VAV3: variants seen among roughly 807,000 people sequenced by gnomAD.
The protein encoded by VAV3 is guanine nucleotide exchange factor VAV3.
Under a neutral mutation model 131.2 loss-of-function variants are expected in VAV3, and 94 were observed. That is an observed-to-expected ratio of 0.72 (90% confidence interval 0.61 to 0.85). The LOEUF (loss-of-function observed/expected upper bound fraction) is 0.85. Among genes scored for constraint, VAV3 ranks in the 40% least tolerant of loss-of-function variants. VAV3 has a pLI of 0.00. For synonymous variants in VAV3, 349 were observed against 342.0 expected, an observed-to-expected ratio of 1.02 and a Z score of -0.22; for missense variants, 939 against 1,002.7, an observed-to-expected ratio of 0.94 and a Z score of 0.86.
Position 107,636,806 on chromosome 1 carries a change from A to G in VAV3, c.1914+5813T>C, listed in dbSNP as rs367596119. On this transcript the variant is annotated intron_variant, in intron 20 of 26. Coordinates refer to ENST00000370056, the MANE Select transcript of VAV3 (RefSeq NM_006113.5). Reference sequence around the variant, plus strand: ...TTGAACTGACTGAAAATGAAAATAAACAGCTTTGCAAAATTTTGGGAAGGC... The same window carrying G: ...TTGAACTGACTGAAAATGAAAATAAGCAGCTTTGCAAAATTTTGGGAAGGC... 9.4e-4 allele frequency among the ~76,000 whole-genome samples: 143 copies of G among 152,324 alleles called. 4 individuals are homozygous for G. The South Asian group carries it at 0.028, about 30-fold the overall frequency.
At chr1:107,704,767 A>G in intron 16 of VAV3, 117 bp from the exon 17 acceptor site, 3 of 996,292 alleles carry the variant, frequency 3.0e-6, no homozygotes, top group Non-Finnish European at 4.5e-6. Context: ...CCCCCTTGGT[A>G]GAGGGAGACG....
At chr1:107,685,788 ATTTCATTTGTCATTC>A (rs1658972790) in intron 18 of VAV3, 1 of 151,958 alleles carries the variant, frequency 6.6e-6, no homozygotes. Flanking sequence ...TAAAGTGCAA[ATTTCATTTGTCATTC>A]TGTCATCTCT....
At chr1:107,604,460 T>TC (rs1019208786) in intron 22 of VAV3, among the ~76,000 whole-genome samples, 7 of 152,194 alleles carry the variant, frequency 4.6e-5, no homozygotes, top group Non-Finnish European at 1.0e-4. Flanking sequence ...TGCCTACCTC[T>TC]CTTCAACCTT....
intron 20 of VAV3, among the ~76,000 whole-genome samples, chr1:107,619,508 C>T (rs1056149282): frequency 6.6e-6 from 1 of 152,072 alleles, no homozygotes; most frequent in African/African-American, 2.4e-5. Context: ...TATAAACACA[C>T]TACAATGCTA....
intron 1 of VAV3, among the ~76,000 whole-genome samples, chr1:107,929,307 A>AAAAAT (rs748783143): frequency 1.4e-5 from 2 of 144,328 alleles, no homozygotes; most frequent in Non-Finnish European, 3.0e-5. Flanking sequence ...AAAAAAAAAA[A>AAAAAT]TTATGCCCTA....
intron 25 of VAV3, among the ~76,000 whole-genome samples, chr1:107,581,797 T>A (rs145062439): frequency 2.6e-5 from 4 of 152,348 alleles, no homozygotes; most frequent in African/African-American, 9.6e-5. Context: ...CATGAGCAGA[T>A]GAAAATTTAC....
chr1:107,682,314 A>T (rs1469042666), intron 19 of VAV3, among the ~76,000 whole-genome samples: 1 of 152,228 alleles, frequency 6.6e-6, no homozygotes, highest in Non-Finnish European at 1.5e-5. Flanking sequence ...AAGGTTAAGT[A>T]ATTTTTCTGA....
intron 2 of VAV3, among the ~76,000 whole-genome samples, chr1:107,782,556 G>A (rs371905473): frequency 2.6e-5 from 4 of 152,144 alleles, no homozygotes; most frequent in African/African-American, 4.8e-5. Flanking sequence ...ATATACAAAT[G>A]CAGCAAATGA....
chr1:107,681,724 G>A (rs187421251), intron 19 of VAV3, among the ~76,000 whole-genome samples: 127 of 150,474 alleles, frequency 8.4e-4, no homozygotes, highest in African/African-American at 3.0e-3. Flanking sequence ...CGCGATCTCG[G>A]CTCACTGCAA....
chr1:107,767,345 AT>A (rs1345594747), intron 7 of VAV3, among the ~76,000 whole-genome samples: 1 of 152,052 alleles, frequency 6.6e-6, no homozygotes, highest in Non-Finnish European at 1.5e-5. Flanking sequence ...CCATTATCTC[AT>A]CCTGTGTACC....
intron 2 of VAV3, among the ~76,000 whole-genome samples, chr1:107,803,475 TAA>T (rs1666920970): frequency 6.6e-6 from 1 of 152,116 alleles, no homozygotes; most frequent in African/African-American, 2.4e-5. Context: ...TCATGAATTT[TAA>T]AAATTTCTTT....
At chr1:107,628,737 A>T (rs1654225346) in intron 20 of VAV3, among the ~76,000 whole-genome samples, 1 of 152,216 alleles carries the variant, frequency 6.6e-6, no homozygotes, top group African/African-American at 2.4e-5. Flanking sequence ...CAATGGTCTA[A>T]TATATAGAAC....
At chr1:107,706,636 T>C (rs961689625) in intron 15 of VAV3, among the ~76,000 whole-genome samples, 7 of 152,174 alleles carry the variant, frequency 4.6e-5, no homozygotes, top group African/African-American at 1.7e-4. Flanking sequence ...TTTCTTCACA[T>C]TGTTCAGAAA....
chr1:107,951,177 C>A (rs1674514412), intron 1 of VAV3, among the ~76,000 whole-genome samples: 1 of 152,188 alleles, frequency 6.6e-6, no homozygotes, highest in African/African-American at 2.4e-5. Context: ...TTCTTCATCT[C>A]ACATAACTCT....
Position 107,757,306 on chromosome 1 carries a change from A to G in VAV3, c.1041T>C (p.Asp347=). The G allele has an allele frequency of 6.2e-7, 1 of 1,613,476 alleles. No individual in the cohort carries two copies. Among genetic ancestry groups the G allele is most frequent in the East Asian group, 2.2e-5 (1 of 44,830 alleles). The change falls in exon 11 of 27, where the codon GAT becomes GAC. Residue 347 remains aspartate (D), a synonymous_variant. Transcript: ENST00000370056. Reference sequence around the variant, plus strand: ...GTTTCAGATTTGCCTTCTCAGTCGGATCAGTGGTATGTTTGACCAGTTCCT... The same window carrying G: ...GTTTCAGATTTGCCTTCTCAGTCGGGTCAGTGGTATGTTTGACCAGTTCCT... The part of the protein sequence containing the change: ...LLQELVKHTT[D]PTEKANLKLA...
chr1:107,744,695 T>C (rs1030564609), intron 15 of VAV3, among the ~76,000 whole-genome samples: 2 of 152,234 alleles, frequency 1.3e-5, no homozygotes, highest in Admixed American at 1.3e-4. Flanking sequence ...TACTCAGGTT[T>C]AACTTATTCC....
At chr1:107,875,379 G>A (rs1165938191) in intron 1 of VAV3, among the ~76,000 whole-genome samples, 2 of 152,148 alleles carry the variant, frequency 1.3e-5, no homozygotes, top group African/African-American at 4.8e-5. Flanking sequence ...GGGGCTGGGT[G>A]GGGGAACTTA....
chr1:107,844,542 A>G (rs530359647), intron 2 of VAV3, among the ~76,000 whole-genome samples: 7 of 152,276 alleles, frequency 4.6e-5, no homozygotes, highest in Non-Finnish European at 8.8e-5. Flanking sequence ...TCCCCTGCCC[A>G]TGGAGCCCCA....
At chr1:107,694,053 T>C (rs910386609) in intron 17 of VAV3, among the ~76,000 whole-genome samples, 1 of 152,212 alleles carries the variant, frequency 6.6e-6, no homozygotes, top group African/African-American at 2.4e-5. Context: ...GAAGGGCCAC[T>C]GAACTCACAG....
Sources: gnomAD v4.1 joint callset for allele counts (sites outside exome capture counted in the v4.1 genomes callset) on GRCh38, gnomAD v4.1.1 for gene constraint, MANE v1.5 for transcripts, NCBI Gene and HGNC (gene_info 2026-07-23, HGNC 2026-07-21) for gene names.